SIPA1L1: variants seen among roughly 807,000 people sequenced by gnomAD.
The protein encoded by SIPA1L1 is signal induced proliferation associated 1 like 1, also known as signal-induced proliferation-associated 1-like protein 1.
SIPA1L1 carries 26 observed loss-of-function variants against 162.7 expected under a neutral mutation model. The observed-to-expected ratio is 0.16, with a 90% CI of 0.12 to 0.22. The LOEUF is 0.22. SIPA1L1 is among the 10% of genes least tolerant of loss of function. The pLI, the probability that SIPA1L1 is intolerant of heterozygous loss-of-function variation, is 1.00. For missense variants in SIPA1L1, 1,874 were observed against 2,241.0 expected (o/e 0.84, Z 3.31); for synonymous variants, 829 against 837.4 (o/e 0.99, Z 0.17).
intron 4 of SIPA1L1, among the ~76,000 whole-genome samples, chr14:71,571,724 C>T (rs764558934): frequency 1.2e-4 from 18 of 152,060 alleles, no homozygotes; most frequent in Non-Finnish European, 2.6e-4. Flanking sequence ...TCACTACAAG[C>T]TCCGCCTCCC....
intron 2 of SIPA1L1, among the ~76,000 whole-genome samples, chr14:71,406,722 C>T (rs1489052080): frequency 1.3e-5 from 2 of 151,820 alleles, no homozygotes; most frequent in African/African-American, 4.8e-5. Flanking sequence ...TTTTTCTTTT[C>T]TAGATTTTAA....
intron 17 of SIPA1L1, among the ~76,000 whole-genome samples, chr14:71,721,230 G>A (rs924948719): frequency 2.0e-5 from 3 of 152,170 alleles, no homozygotes; most frequent in South Asian, 2.1e-4. Context: ...GATGGGCTTG[G>A]ACAGGATAAG....
At chr14:71,381,347 T>C (rs1188807268) in intron 2 of SIPA1L1, among the ~76,000 whole-genome samples, 1 of 152,158 alleles carries the variant, frequency 6.6e-6, no homozygotes, top group Non-Finnish European at 1.5e-5. Flanking sequence ...CCACCATGCC[T>C]GGCCCCAATA....
intron 12 of SIPA1L1, among the ~76,000 whole-genome samples, chr14:71,676,637 C>T (rs189130868): frequency 1.7e-5 from 2 of 120,506 alleles, no homozygotes; most frequent in African/African-American, 3.2e-5. Context: ...CCCCCCACCC[C>T]ATGACAGGCC....
intron 8 of SIPA1L1, among the ~76,000 whole-genome samples, chr14:71,652,045 C>T (rs1170553782): frequency 6.6e-6 from 1 of 152,158 alleles, no homozygotes; most frequent in African/African-American, 2.4e-5. Context: ...CCTTTCAGGG[C>T]ATATTTCCTG....
rs191573312 is a variant in SIPA1L1 at position 71,377,578 on chromosome 14, G to A, written c.-465+56397G>A. On this transcript the variant is annotated intron_variant, in intron 2 of 23. Transcript: ENST00000381232. This position sits in a 1 kb window ranked among gnomAD's most constrained non-coding sequence, Gnocchi z 4.8. Reference sequence around the variant, plus strand: ...CTCCTCACTTCCTACACGGGGTGGCGGCCGGGCAGAGGCTGCAATCTCAGC... The same window carrying A: ...CTCCTCACTTCCTACACGGGGTGGCAGCCGGGCAGAGGCTGCAATCTCAGC... Among the ~76,000 whole-genome samples, 7 of 152,170 alleles carry A rather than the reference G, an allele frequency of 4.6e-5. No homozygotes were observed. The highest frequency in any genetic ancestry group is 1.9e-4 in the East Asian group (1 of 5,184).
chr14:71,525,491 C>T (rs996646097), intron 3 of SIPA1L1, among the ~76,000 whole-genome samples: 3 of 152,208 alleles, frequency 2.0e-5, no homozygotes, highest in Non-Finnish European at 2.9e-5. Context: ...CCTGTAGTGA[C>T]TAGATTTCAA....
intron 2 of SIPA1L1, among the ~76,000 whole-genome samples, chr14:71,422,145 C>T (rs1234187594): frequency 1.3e-5 from 2 of 152,142 alleles, no homozygotes; most frequent in Non-Finnish European, 2.9e-5. Flanking sequence ...TGTGTTGGCT[C>T]ATACCTATAA....
chr14:71,585,103 G>GT (rs965023803), intron 4 of SIPA1L1, among the ~76,000 whole-genome samples: 1 of 138,210 alleles, frequency 7.2e-6, no homozygotes, highest in Non-Finnish European at 1.6e-5. Flanking sequence ...AGTTTATATT[G>GT]TACCCCAAAG....
At chr14:71,505,010 T>C (rs1394722702) in intron 2 of SIPA1L1, among the ~76,000 whole-genome samples, 2 of 152,210 alleles carry the variant, frequency 1.3e-5, no homozygotes, top group Non-Finnish European at 2.9e-5. Flanking sequence ...TAACCTGAGT[T>C]CTTGTGTTAT....
At position 71,672,409 on chromosome 14, in the gene SIPA1L1, T is replaced by C; in HGVS notation, c.2891T>C (p.Leu964Pro). The change falls in exon 12 of 24, where the codon CTT becomes CCT. Residue 964 changes from leucine to proline, a missense_variant. Physicochemically the swap from Leu to Pro is moderately conservative, Grantham distance 98. This residue lies in a region of SIPA1L1 where 10 missense variants were observed against 28.9 expected (regional missense o/e 0.35). Coordinates refer to ENST00000381232, the MANE Select transcript of SIPA1L1 (RefSeq NM_001386936.1). ...CTGCGAAGAAATGGGCTAGGACAGC[T>C]TGGCTTCCATGTCAACTATGAGGGC... ...MTLRRNGLGQ[L>P]GFHVNYEGIV... 1.2e-6 allele frequency: 2 copies of C among 1,614,258 alleles called. No individual in the cohort carries two copies. Among genetic ancestry groups the C allele is most frequent in the Middle Eastern group, 3.3e-4 (2 of 6,062 alleles).
intron 10 of SIPA1L1, among the ~76,000 whole-genome samples, chr14:71,669,120 G>A (rs935815794): frequency 6.6e-6 from 1 of 152,136 alleles, no homozygotes; most frequent in African/African-American, 2.4e-5. Context: ...TCTTCTGTAA[G>A]GATTCTATTT....
intron 2 of SIPA1L1, among the ~76,000 whole-genome samples, chr14:71,382,449 A>G (rs2039981068): frequency 6.6e-6 from 1 of 152,260 alleles, no homozygotes; most frequent in South Asian, 2.1e-4. Flanking sequence ...AAAGATAACA[A>G]AAGCCTAAAC....
chr14:71,665,474 A>G (rs959593369), intron 10 of SIPA1L1, among the ~76,000 whole-genome samples: 1 of 152,138 alleles, frequency 6.6e-6, no homozygotes, highest in African/African-American at 2.4e-5. Context: ...TCCAGTCTCT[A>G]TTGTTTTATT....
chr14:71,597,301 C>T (rs981518720), intron 5 of SIPA1L1, among the ~76,000 whole-genome samples: 2 of 152,004 alleles, frequency 1.3e-5, no homozygotes, highest in East Asian at 1.9e-4. Context: ...CTTTCATAAT[C>T]GTTTTTTCTT....
intron 3 of SIPA1L1, among the ~76,000 whole-genome samples, chr14:71,516,441 C>T (rs925325344): frequency 1.3e-5 from 2 of 152,122 alleles, no homozygotes; most frequent in Non-Finnish European, 2.9e-5. Flanking sequence ...TGCTGGAGTG[C>T]AGTGACACCA....
chr14:71,380,454 C>G (rs182278734), intron 2 of SIPA1L1, among the ~76,000 whole-genome samples: 1 of 152,302 alleles, frequency 6.6e-6, no homozygotes, highest in Admixed American at 6.5e-5. Context: ...CATGTTCAGT[C>G]TGGTATTTTG....
At chr14:71,574,594 A>G (rs1488165309) in intron 4 of SIPA1L1, 1 of 152,212 alleles carries the variant, frequency 6.6e-6, no homozygotes, top group East Asian at 1.9e-4. Context: ...AGGCAAAGTG[A>G]TCAGTTTTTA....
chr14:71,474,922 G>T (rs562747316), intron 2 of SIPA1L1, among the ~76,000 whole-genome samples: 178 of 152,260 alleles, frequency 1.2e-3, no homozygotes, highest in African/African-American at 4.1e-3. Context: ...AGAACATTTT[G>T]TGTGTGTAGG....
Sources: allele counts gnomAD v4.1 joint callset (sites outside exome capture counted in the v4.1 genomes callset), GRCh38; gene constraint gnomAD v4.1.1; regional missense constraint gnomAD v4.1.1; non-coding constraint Gnocchi (gnomAD v3.1); transcripts MANE v1.5; gene names NCBI Gene and HGNC (gene_info 2026-07-23, HGNC 2026-07-21).